The following ADGRB3 variants were observed in gnomAD, a reference collection of about 807,000 sequenced individuals.
The protein encoded by ADGRB3 is adhesion G protein-coupled receptor B3.
In ADGRB3, 37 loss-of-function variants were observed where a neutral mutation model predicts 193.4. That is an observed-to-expected ratio of 0.19 (90% CI 0.15 to 0.25). ADGRB3 has a LOEUF of 0.25. ADGRB3 is among the 10% of genes least tolerant of loss of function. ADGRB3 has a pLI of 1.00. For missense variants in ADGRB3, 1,637 were observed against 1,852.9 expected (o/e 0.88, Z 2.14); for synonymous variants, 690 against 644.2 (o/e 1.07, Z -1.08).
chr6:69,151,954 TC>T (rs910994227), intron 17 of ADGRB3, among the ~76,000 whole-genome samples: 1 of 152,200 alleles, frequency 6.6e-6, no homozygotes, highest in African/African-American at 2.4e-5. Context: ...AGGAGCTTTT[TC>T]CCCTTTTGCT....
At chr6:68,643,641 A>G (rs893820070) in intron 3 of ADGRB3, among the ~76,000 whole-genome samples, 1 of 150,886 alleles carries the variant, frequency 6.6e-6, no homozygotes, top group African/African-American at 2.4e-5. Context: ...TTACATCAAT[A>G]TTTTCATCTC....
At chr6:69,037,202 G>A (rs1770898075) in intron 13 of ADGRB3, among the ~76,000 whole-genome samples, 1 of 152,178 alleles carries the variant, frequency 6.6e-6, no homozygotes, top group Admixed American at 6.5e-5. Context: ...GCACCTTCTA[G>A]TAAGATGGGA....
intron 8 of ADGRB3, among the ~76,000 whole-genome samples, chr6:68,959,121 T>G (rs1391633755): frequency 6.6e-6 from 1 of 152,154 alleles, no homozygotes; most frequent in Non-Finnish European, 1.5e-5. Flanking sequence ...AATTATTTTA[T>G]CAAGTTTTTG....
chr6:68,844,815 C>T (rs1023620326), intron 3 of ADGRB3, among the ~76,000 whole-genome samples: 1 of 152,106 alleles, frequency 6.6e-6, no homozygotes, highest in African/African-American at 2.4e-5. Context: ...ATGTCATTTG[C>T]AACAACAGGA....
chr6:69,335,140 T>A lies in ADGRB3; in HGVS notation c.3188+2132T>A, dbSNP rs535430324. 1.3e-4 allele frequency among the ~76,000 whole-genome samples: 20 copies of A among 152,152 alleles called. No homozygotes were observed. The South Asian group carries it at 1.9e-3, about 14-fold the overall frequency. ...TATTGAGGATTTAATTAAAAAAAAA[T>A]TTAATAAAAAATTTAAAAAACAAGT... On this transcript the variant is annotated intron_variant, in intron 24 of 31. Transcript: ENST00000370598.
intron 17 of ADGRB3, among the ~76,000 whole-genome samples, chr6:69,211,736 G>A (rs1203903038): frequency 2.6e-5 from 4 of 152,182 alleles, no homozygotes; most frequent in Non-Finnish European, 4.4e-5. Flanking sequence ...CCTAAAACTT[G>A]ACTTGGAATA....
At chr6:68,869,078 G>T (rs1470542276) in intron 3 of ADGRB3, among the ~76,000 whole-genome samples, 1 of 152,048 alleles carries the variant, frequency 6.6e-6, no homozygotes, top group Non-Finnish European at 1.5e-5. Context: ...TAACCTCAAA[G>T]ATTTTATCCT....
chr6:69,067,208 C>G (rs1205459026), intron 16 of ADGRB3, among the ~76,000 whole-genome samples: 1 of 152,032 alleles, frequency 6.6e-6, no homozygotes, highest in African/African-American at 2.4e-5. Context: ...AGGTAGGGTA[C>G]TGCTGCTTTC....
chr6:69,252,968 G>A (rs1261515786), intron 20 of ADGRB3, among the ~76,000 whole-genome samples: 2 of 151,996 alleles, frequency 1.3e-5, no homozygotes, highest in African/African-American at 2.4e-5. Context: ...TAATTTTTGT[G>A]TGTTATATGA....
chr6:68,806,235 G>A (rs1767399795), intron 3 of ADGRB3, among the ~76,000 whole-genome samples: 2 of 152,178 alleles, frequency 1.3e-5, no homozygotes, highest in Non-Finnish European at 2.9e-5. Flanking sequence ...AATGTAGTAA[G>A]TCACTGAGAT....
intron 3 of ADGRB3, among the ~76,000 whole-genome samples, chr6:68,763,788 C>A (rs765767850): frequency 6.6e-6 from 1 of 152,004 alleles, no homozygotes; most frequent in South Asian, 2.1e-4. Context: ...GAGGCCGGTG[C>A]GGTGGCGGTG....
intron 3 of ADGRB3, among the ~76,000 whole-genome samples, chr6:68,657,830 T>C (rs1768528170): frequency 6.6e-6 from 1 of 151,412 alleles, no homozygotes; most frequent in Non-Finnish European, 1.5e-5. Flanking sequence ...ATATCTATTT[T>C]GATTAATTAT....
At chr6:68,881,628 G>A (rs903818895) in intron 3 of ADGRB3, among the ~76,000 whole-genome samples, 1 of 152,062 alleles carries the variant, frequency 6.6e-6, no homozygotes, top group Non-Finnish European at 1.5e-5. Flanking sequence ...AGAGTCAGTC[G>A]GGAACAAGTG....
chr6:69,206,162 A>T (rs1025049460), intron 17 of ADGRB3, among the ~76,000 whole-genome samples: 2 of 150,268 alleles, frequency 1.3e-5, no homozygotes, highest in Admixed American at 1.3e-4. Flanking sequence ...AGCCACTTTG[A>T]GTTCCAAAAT....
rs1491200940 is a variant in ADGRB3, at chr6:69,219,461, G to GTGTATATATA, written c.2481-13828_2481-13827insGTATATATAT. On this transcript the variant is annotated intron_variant, in intron 17 of 31. Transcript: ENST00000370598. The stretch of plus-strand genomic sequence containing the variant: ...CTTTAACTTAAAAATACACACACAC[G>GTGTATATATA]TATATATATATATATATATATATAT... 5.1e-3 allele frequency among the ~76,000 whole-genome samples: 500 copies of GTGTATATATA among 98,962 alleles called. 10 individuals are homozygous for GTGTATATATA. The highest frequency in any genetic ancestry group is 0.014 in the Middle Eastern group (2 of 140). The allele number at this position is 98,962 out of a possible 152,430, so 64.9% of individuals were successfully genotyped here. A position where few individuals can be genotyped will look rare whatever the true frequency, so the allele number is the denominator to read the frequency against.
At chr6:68,974,740 A>G (rs1768691923) in intron 8 of ADGRB3, 23 bp from the exon 9 acceptor site, 1 of 1,607,518 alleles carries the variant, frequency 6.2e-7, no homozygotes, top group African/African-American at 1.3e-5. Flanking sequence ...CTGACATTCA[A>G]GTCCCTTTGT....
chr6:69,299,515 G>T (rs1767906059), intron 20 of ADGRB3, among the ~76,000 whole-genome samples: 2 of 151,764 alleles, frequency 1.3e-5, no homozygotes. Flanking sequence ...ATAGTTTCGG[G>T]TATTACATTT....
chr6:69,204,937 T>A (rs1033643212), intron 17 of ADGRB3, among the ~76,000 whole-genome samples: 1 of 152,146 alleles, frequency 6.6e-6, no homozygotes, highest in Non-Finnish European at 1.5e-5. Flanking sequence ...TTTCTGAAAA[T>A]CATACTGTGC....
chr6:69,240,272 C>T (rs894413423), intron 20 of ADGRB3, among the ~76,000 whole-genome samples: 3 of 151,980 alleles, frequency 2.0e-5, no homozygotes, highest in Non-Finnish European at 4.4e-5. Flanking sequence ...CTTCTTGGCC[C>T]ACATTGCCCT....
Sources: gnomAD v4.1 joint callset for allele counts (sites outside exome capture counted in the v4.1 genomes callset) on GRCh38, gnomAD v4.1.1 for gene constraint, MANE v1.5 for transcripts, NCBI Gene and HGNC (gene_info 2026-07-23, HGNC 2026-07-21) for gene names.